The following WDR25 variants were observed in gnomAD, a reference collection of about 807,000 sequenced individuals.
WDR25 encodes the protein WD repeat-containing protein 25.
WDR25 carries 35 observed loss-of-function variants against 47.7 expected under a neutral mutation model. The ratio of observed to expected loss-of-function variants is 0.73; its 90% CI spans 0.56 to 0.97. The LOEUF (loss-of-function observed/expected upper bound fraction) is 0.97, where lower values mean the gene tolerates loss of function less well. Among genes scored for constraint, WDR25 ranks in the 50% least tolerant of loss-of-function variants. The pLI, the probability that WDR25 is intolerant of heterozygous loss-of-function variation, is 0.00. For synonymous variants in WDR25, 248 were observed against 278.9 expected, an observed-to-expected ratio of 0.89 and a Z score of 1.10; for missense variants, 634 against 704.7, an observed-to-expected ratio of 0.90 and a Z score of 1.14.
At position 100,525,818 on chromosome 14, in the gene WDR25, C is replaced by T. The variant is rs114059165; in HGVS notation, c.1102-52C>T. The stretch of plus-strand genomic sequence containing the variant: ...GGGTCCTTGGCCTTCCCTGCATAGG[C>T]GCCTGTCCGTGCTGCCAGGCCTGCC... On this transcript the variant is annotated intron_variant, in intron 4 of 6. Coordinates refer to ENST00000402312, the MANE Select transcript of WDR25 (RefSeq NM_001161476.3). The surrounding 1 kb of genome is among the most constrained non-coding windows in gnomAD (Gnocchi z 4.6). 1.8e-3 allele frequency: 2,939 copies of T among 1,597,520 alleles called. 31 individuals carry two copies. In the African/African-American group the frequency reaches 0.033, roughly 18 times the overall value.
At chr14:100,422,610 A>G (rs1898057308) in intron 2 of WDR25, among the ~76,000 whole-genome samples, 1 of 152,180 alleles carries the variant, frequency 6.6e-6, no homozygotes, top group Non-Finnish European at 1.5e-5. Flanking sequence ...ACGGGCCTTC[A>G]TGATGGCCCT....
chr14:100,387,222 A>G (rs1897040815), intron 2 of WDR25, among the ~76,000 whole-genome samples: 1 of 152,050 alleles, frequency 6.6e-6, no homozygotes, highest in South Asian at 2.1e-4. Flanking sequence ...ATTCCCCTGT[A>G]CCTGTCTTGA....
At chr14:100,460,715 CAA>C (rs59054583) in intron 2 of WDR25, among the ~76,000 whole-genome samples, 1 of 149,868 alleles carries the variant, frequency 6.7e-6, no homozygotes, top group African/African-American at 2.5e-5. Context: ...TAAGAGGCAC[CAA>C]AAAAAAACAT....
At chr14:100,467,148 C>T (rs1293695712) in intron 2 of WDR25, among the ~76,000 whole-genome samples, 1 of 152,220 alleles carries the variant, frequency 6.6e-6, no homozygotes, top group Non-Finnish European at 1.5e-5. Context: ...GACAGCTGCC[C>T]CTACGGCAGA....
intron 3 of WDR25, among the ~76,000 whole-genome samples, chr14:100,472,176 G>C (rs1899861486): frequency 6.6e-6 from 1 of 152,236 alleles, no homozygotes; most frequent in Non-Finnish European, 1.5e-5. Flanking sequence ...ACCTTTGATG[G>C]CTGCAAAGGA....
In WDR25 at chr14:100,468,389, G is replaced by C. The variant is rs1417076649; in HGVS notation, c.970+221G>C. Among the ~76,000 whole-genome samples the C allele has an allele frequency of 2.0e-5, 3 of 152,224 alleles. No individual in the cohort carries two copies. The highest frequency in any genetic ancestry group is 4.4e-5 in the Non-Finnish European group (3 of 68,032). On this transcript the variant is annotated intron_variant, in intron 3 of 6. Transcript: ENST00000402312. This position sits in a 1 kb window ranked among gnomAD's most constrained non-coding sequence, Gnocchi z 4.5. ...CCTCTGCCAGCCAACACAGAGGACA[G>C]AGCCCCAAGGTTGTCTCAGCCTCAA...
At chr14:100,388,691 C>T (rs1479626249) in intron 2 of WDR25, among the ~76,000 whole-genome samples, 1 of 152,214 alleles carries the variant, frequency 6.6e-6, no homozygotes, top group Non-Finnish European at 1.5e-5. Context: ...AGTTGCCTTA[C>T]AATCTTGTAT....
rs35414565 is a variant in WDR25, at chr14:100,405,168, C to CTTTTTTTTTTTTTTTT, written c.822+23432_822+23433insTTTTTTTTTTTTTTTT. 1.8e-4 allele frequency among the ~76,000 whole-genome samples: 26 copies of CTTTTTTTTTTTTTTTT among 146,306 alleles called. 2 individuals are homozygous for CTTTTTTTTTTTTTTTT. Among genetic ancestry groups the CTTTTTTTTTTTTTTTT allele is most frequent in the African/African-American group, 6.3e-4 (24 of 38,106 alleles). The stretch of plus-strand genomic sequence containing the variant: ...CCTAGGAATCCTCTCTCTGCCCCAT[C>CTTTTTTTTTTTTTTTT]TTTTTTTTTTGAGATGGAGTTTTGC... On this transcript the variant is annotated intron_variant, in intron 2 of 6. Transcript: ENST00000402312.
chr14:100,416,007 A>G (rs992728583), intron 2 of WDR25, among the ~76,000 whole-genome samples: 1 of 152,178 alleles, frequency 6.6e-6, no homozygotes, highest in Non-Finnish European at 1.5e-5. Flanking sequence ...TGCCACCTGA[A>G]TCTTTACTGA....
Position 100,406,086 on chromosome 14 carries a change from A to C in WDR25, c.822+24340A>C, listed in dbSNP as rs139283365. On this transcript the variant is annotated intron_variant, in intron 2 of 6. Transcript: ENST00000402312. ...TGGTGGACAGAGGTACAGGCTCCCC[A>C]AGGCTTAGAGGCTTCAGAAGCCCAT... 8.6e-3 allele frequency among the ~76,000 whole-genome samples: 1,304 copies of C among 152,206 alleles called. 23 individuals carry two copies. The highest frequency in any genetic ancestry group is 0.03 in the African/African-American group (1,241 of 41,520).
At chr14:100,436,438 A>G (rs1391589316) in intron 2 of WDR25, among the ~76,000 whole-genome samples, 1 of 152,240 alleles carries the variant, frequency 6.6e-6, no homozygotes, top group African/African-American at 2.4e-5. Flanking sequence ...TTGCAGCGGT[A>G]TAATTTGCAA....
intron 3 of WDR25, among the ~76,000 whole-genome samples, chr14:100,473,704 C>G (rs1291771854): frequency 5.3e-5 from 8 of 152,298 alleles, no homozygotes; most frequent in Non-Finnish European, 1.0e-4. Context: ...CAAAGAGCCC[C>G]AAGAGCTCCT....
chr14:100,385,554 C>A (rs1897000004), intron 2 of WDR25, among the ~76,000 whole-genome samples: 1 of 152,224 alleles, frequency 6.6e-6, no homozygotes, highest in South Asian at 2.1e-4. Context: ...TGGAAAGATA[C>A]TTATTTTAAT....
rs1898642762 is a variant in WDR25 at position 100,440,685 on chromosome 14, T to C, written c.823-27336T>C. Among the ~76,000 whole-genome samples the C allele has an allele frequency of 1.3e-5, 2 of 152,234 alleles. No individual in the cohort carries two copies. Among genetic ancestry groups the C allele is most frequent in the Admixed American group, 6.5e-5 (1 of 15,288 alleles). ...GTCTCATTCCCTGTTTTTATTCCCT[T>C]CTTTTATTTAGGGAGAGCCAGAGCA... On this transcript the variant is annotated intron_variant, in intron 2 of 6. Coordinates refer to ENST00000402312, the MANE Select transcript of WDR25 (RefSeq NM_001161476.3). The surrounding 1 kb of genome is among the most constrained non-coding windows in gnomAD (Gnocchi z 4.4).
chr14:100,407,728 C>T lies in WDR25; in HGVS notation c.822+25982C>T, dbSNP rs1897584201. ...GAACAGGGACCATAGTTTCACACTT[C>T]AGTGCCTAAACAGGCCCTGACACCC... On this transcript the variant is annotated intron_variant, in intron 2 of 6. Transcript: ENST00000402312. This position sits in a 1 kb window ranked among gnomAD's most constrained non-coding sequence, Gnocchi z 4.1. 1 of 152,232 alleles carries T rather than the reference C, an allele frequency of 6.6e-6. No homozygotes were observed. Among genetic ancestry groups the T allele is most frequent in the Non-Finnish European group, 1.5e-5 (1 of 68,048 alleles). 9.4% of individuals were successfully genotyped at this position (152,232 alleles called of 1,614,324 possible). A position where few individuals can be genotyped will look rare whatever the true frequency, so the allele number is the denominator to read the frequency against.
intron 4 of WDR25, among the ~76,000 whole-genome samples, chr14:100,491,808 G>A (rs1046107137): frequency 1.3e-5 from 2 of 152,214 alleles, no homozygotes; most frequent in African/African-American, 4.8e-5. Context: ...CCATGGATGG[G>A]ACAGTGGTGG....
intron 2 of WDR25, among the ~76,000 whole-genome samples, chr14:100,427,299 T>C (rs1014006444): frequency 1.3e-5 from 2 of 152,186 alleles, no homozygotes; most frequent in Admixed American, 6.5e-5. Context: ...ATTAGATGCA[T>C]CCACCAGTGT....
chr14:100,484,670 T>A (rs879750736), intron 4 of WDR25, among the ~76,000 whole-genome samples: 1 of 152,114 alleles, frequency 6.6e-6, no homozygotes, highest in Non-Finnish European at 1.5e-5. Flanking sequence ...ACTTACTAGA[T>A]GGCAGCTCCA....
chr14:100,486,071 C>G (rs189186253), intron 4 of WDR25, among the ~76,000 whole-genome samples: 2 of 150,170 alleles, frequency 1.3e-5, no homozygotes, highest in Admixed American at 6.6e-5. Flanking sequence ...CGCCAAAACA[C>G]GTTATATTTA....
Sources: gnomAD v4.1 joint callset for allele counts (sites outside exome capture counted in the v4.1 genomes callset) on GRCh38, gnomAD v4.1.1 for gene constraint, Gnocchi (gnomAD v3.1) non-coding constraint, MANE v1.5 for transcripts, NCBI Gene and HGNC (gene_info 2026-07-23, HGNC 2026-07-21) for gene names.